KCNB2: variants seen among roughly 807,000 people sequenced by gnomAD.
The protein encoded by KCNB2 is delayed rectifier potassium channel protein.
KCNB2 carries 15 observed loss-of-function variants against 61.5 expected under a neutral mutation model. The observed-to-expected ratio is 0.24, with a 90% confidence interval of 0.16 to 0.38. The LOEUF is 0.38. KCNB2 is among the 10% of genes least tolerant of loss of function. The probability of loss-of-function intolerance (pLI) is 1.00; values close to 1 mark genes in which losing one functional copy is unlikely to be tolerated. For synonymous variants in KCNB2, 457 were observed against 446.0 expected (o/e 1.02, Z -0.31); for missense variants, 828 against 1,125.2 (o/e 0.74, Z 3.78).
intron 2 of KCNB2, among the ~76,000 whole-genome samples, chr8:72,867,298 T>C (rs1035819111): frequency 1.3e-5 from 2 of 152,190 alleles, no homozygotes; most frequent in Admixed American, 6.5e-5. Context: ...TACTCATTTA[T>C]AAAAAAAGTT....
chr8:72,722,071 T>C lies in KCNB2; in HGVS notation c.579+153758T>C, dbSNP rs185168391. Among the ~76,000 whole-genome samples, 44 of 152,300 alleles carry C rather than the reference T, an allele frequency of 2.9e-4. No individual in the cohort carries two copies. In the East Asian group the frequency reaches 7.5e-3, roughly 26 times the overall value. On this transcript the variant is annotated intron_variant, in intron 2 of 2. Coordinates refer to ENST00000523207, the MANE Select transcript of KCNB2 (RefSeq NM_004770.3). ...CCCAGGATCCTCCCTGAAGTCCCCT[T>C]GCCACATCTATGAAAGCTATCATCA...
At chr8:72,571,989 T>G (rs1806716894) in intron 2 of KCNB2, among the ~76,000 whole-genome samples, 1 of 152,184 alleles carries the variant, frequency 6.6e-6, no homozygotes, top group Non-Finnish European at 1.5e-5. Flanking sequence ...ATATAGTGAC[T>G]TCAGTCTAAG....
chr8:72,807,393 G>A (rs1475289311), intron 2 of KCNB2, among the ~76,000 whole-genome samples: 1 of 152,146 alleles, frequency 6.6e-6, no homozygotes, highest in African/African-American at 2.4e-5. Context: ...TTGTAAACTT[G>A]ACCACCCTGC....
chr8:72,697,968 A>G (rs1807044735), intron 2 of KCNB2, among the ~76,000 whole-genome samples: 2 of 152,116 alleles, frequency 1.3e-5, no homozygotes, highest in East Asian at 1.9e-4. Context: ...CAAGCCCTCC[A>G]GGTGATCCTG....
At chr8:72,658,451 G>C (rs1484168173) in intron 2 of KCNB2, among the ~76,000 whole-genome samples, 1 of 152,172 alleles carries the variant, frequency 6.6e-6, no homozygotes, top group African/African-American at 2.4e-5. Context: ...TTAAAAGAAA[G>C]AAGCCATCCT....
chr8:72,702,262 C>G (rs188095850), intron 2 of KCNB2, among the ~76,000 whole-genome samples: 15 of 152,204 alleles, frequency 9.9e-5, no homozygotes, highest in Admixed American at 9.2e-4. Context: ...GCATTGCTCT[C>G]ATTTCCAGCG....
intron 2 of KCNB2, among the ~76,000 whole-genome samples, chr8:72,664,672 A>G (rs1043758238): frequency 1.3e-5 from 2 of 152,258 alleles, no homozygotes; most frequent in African/African-American, 4.8e-5. Flanking sequence ...GTTACATTTC[A>G]GACAGTAGTC....
At chr8:72,719,445 G>T (rs1192821604) in intron 2 of KCNB2, among the ~76,000 whole-genome samples, 1 of 151,968 alleles carries the variant, frequency 6.6e-6, no homozygotes, top group Non-Finnish European at 1.5e-5. Flanking sequence ...TTTCATCTCA[G>T]ATCTTTCCTG....
At chr8:72,834,030 C>G (rs1366175430) in intron 2 of KCNB2, among the ~76,000 whole-genome samples, 3 of 152,174 alleles carry the variant, frequency 2.0e-5, no homozygotes, top group Non-Finnish European at 2.9e-5. Context: ...CATTTTTCTT[C>G]CCACAGGATT....
intron 2 of KCNB2, among the ~76,000 whole-genome samples, chr8:72,647,005 T>C (rs779855950): frequency 6.6e-6 from 1 of 152,136 alleles, no homozygotes; most frequent in African/African-American, 2.4e-5. Flanking sequence ...AGTAAATAAA[T>C]GGAAGAGCTA....
At chr8:72,542,572 C>T (rs1806206059) in intron 1 of KCNB2, among the ~76,000 whole-genome samples, 1 of 151,936 alleles carries the variant, frequency 6.6e-6, no homozygotes, top group African/African-American at 2.4e-5. Flanking sequence ...GGCAATACTC[C>T]TGGGGAATCA....
chr8:72,907,895 C>A (rs1361330454), intron 2 of KCNB2, among the ~76,000 whole-genome samples: 1 of 152,160 alleles, frequency 6.6e-6, no homozygotes, highest in Non-Finnish European at 1.5e-5. Flanking sequence ...TTACATTTAA[C>A]TTCCAATTTA....
intron 2 of KCNB2, among the ~76,000 whole-genome samples, chr8:72,882,823 T>C (rs1392051183): frequency 6.6e-6 from 1 of 152,234 alleles, no homozygotes; most frequent in Admixed American, 6.5e-5. Context: ...TTCAAATTAC[T>C]TGAAGCATTT....
chr8:72,775,932 C>T (rs772291011), intron 2 of KCNB2, among the ~76,000 whole-genome samples: 20 of 152,152 alleles, frequency 1.3e-4, no homozygotes, highest in East Asian at 1.9e-4. Context: ...AATCATGCTG[C>T]TATGAAGACA....
At chr8:72,769,714 C>T (rs1808530264) in intron 2 of KCNB2, among the ~76,000 whole-genome samples, 1 of 152,118 alleles carries the variant, frequency 6.6e-6, no homozygotes, top group African/African-American at 2.4e-5. Context: ...GTTTAGGCCC[C>T]ATTCTATGGG....
intron 2 of KCNB2, among the ~76,000 whole-genome samples, chr8:72,850,999 T>C (rs535444506): frequency 1.3e-5 from 2 of 152,370 alleles, no homozygotes; most frequent in South Asian, 4.1e-4. Flanking sequence ...TCCACTGTGA[T>C]TGGCATGGCA....
intron 2 of KCNB2, among the ~76,000 whole-genome samples, chr8:72,646,146 A>G (rs1043113121): frequency 6.6e-6 from 1 of 152,142 alleles, no homozygotes; most frequent in Admixed American, 6.6e-5. Flanking sequence ...CAAGATACAT[A>G]TATACATATA....
At chr8:72,686,666 G>A (rs188517543) in intron 2 of KCNB2, among the ~76,000 whole-genome samples, 2 of 152,168 alleles carry the variant, frequency 1.3e-5, no homozygotes, top group East Asian at 1.9e-4. Context: ...TCGAGTGTTC[G>A]GTAATGACCT....
chr8:72,558,377 A>G (rs995933088), intron 1 of KCNB2, among the ~76,000 whole-genome samples: 1 of 151,806 alleles, frequency 6.6e-6, no homozygotes, highest in African/African-American at 2.4e-5. Context: ...GAATAGTTAT[A>G]ATGAGAAAAG....
Sources: allele counts gnomAD v4.1 joint callset (sites outside exome capture counted in the v4.1 genomes callset), GRCh38; gene constraint gnomAD v4.1.1; transcripts MANE v1.5; gene names NCBI Gene and HGNC (gene_info 2026-07-23, HGNC 2026-07-21).